BCAS1: variants seen among roughly 807,000 people sequenced by gnomAD.
The protein encoded by BCAS1 is brain enriched myelin associated protein 1.
Under a neutral mutation model 65.4 loss-of-function variants are expected in BCAS1, and 46 were observed. That is an observed-to-expected ratio of 0.70 (90% CI 0.55 to 0.90). BCAS1 has a LOEUF of 0.90. BCAS1 is among the 40% of genes least tolerant of loss of function. The pLI is 0.00. For synonymous variants in BCAS1, 298 were observed against 293.5 expected, an observed-to-expected ratio of 1.02 and a Z score of -0.16; for missense variants, 793 against 771.2, an observed-to-expected ratio of 1.03 and a Z score of -0.33.
At chr20:53,955,743 C>T (rs748941823) in intron 11 of BCAS1, among the ~76,000 whole-genome samples, 14 of 152,010 alleles carry the variant, frequency 9.2e-5, no homozygotes, top group African/African-American at 2.4e-4. Flanking sequence ...TCCAAGGCTC[C>T]GGAAAATAAA....
intron 1 of BCAS1, among the ~76,000 whole-genome samples, chr20:54,066,068 A>ATT (rs1051455563): frequency 3.4e-5 from 5 of 146,032 alleles, no homozygotes; most frequent in East Asian, 2.1e-4. Context: ...TGAGGCAGGT[A>ATT]TTTTTTTTCT....
At chr20:53,952,357 T>C (rs1476007062) in intron 12 of BCAS1, among the ~76,000 whole-genome samples, 10 of 152,178 alleles carry the variant, frequency 6.6e-5, no homozygotes, top group Admixed American at 5.9e-4. Flanking sequence ...GGGCTTCCAT[T>C]TTGTAGAGGA....
chr20:54,028,745 T>C lies in BCAS1; in HGVS notation c.370A>G (p.Ser124Gly). The change falls in exon 4 of 13, where the codon AGC becomes GGC. Residue 124 changes from serine to glycine, a missense_variant. Physicochemically the swap from Ser to Gly is moderately conservative, Grantham distance 56. Transcript: ENST00000688948. Reference protein sequence around the residue: ...SSLGSVKLDVSSNKAPANKDP... With the variant: ...SSLGSVKLDVGSNKAPANKDP... ...TTGTTCGCTGGAGCTTTATTGGAGC[T>C]GACATCAAGCTTCACTGATCCAAGG... The C allele has an allele frequency of 6.2e-7, 1 of 1,614,192 alleles. No individual in the cohort carries two copies. Among genetic ancestry groups the C allele is most frequent in the Non-Finnish European group, 8.5e-7 (1 of 1,180,018 alleles).
At chr20:53,992,426 G>C (rs942888651) in intron 7 of BCAS1, 86 bp downstream of exon 7, 8 of 1,156,646 alleles carry the variant, frequency 6.9e-6, no homozygotes, top group Non-Finnish European at 9.3e-6. Flanking sequence ...GTTTTTACTG[G>C]AGAGGAGCTG....
intron 3 of BCAS1, 99 bp from the exon 4 acceptor site, chr20:54,029,071 A>G (rs1283880912): frequency 6.1e-6 from 9 of 1,466,024 alleles, no homozygotes; most frequent in Middle Eastern, 2.3e-4. Flanking sequence ...GCCATACTGC[A>G]TACTGGAACT....
intron 1 of BCAS1, among the ~76,000 whole-genome samples, chr20:54,063,068 T>C (rs1453168901): frequency 6.6e-6 from 1 of 152,208 alleles, no homozygotes; most frequent in African/African-American, 2.4e-5. Flanking sequence ...GGCAAGAAGA[T>C]GGCAACTCCT....
At position 54,013,919 on chromosome 20, in the gene BCAS1, C is replaced by T. The variant is rs534216991; in HGVS notation, c.723+14473G>A. 1.8e-4 allele frequency among the ~76,000 whole-genome samples: 27 copies of T among 152,290 alleles called. 1 individual carries two copies. The South Asian group carries it at 5.4e-3, about 30-fold the overall frequency. Reference sequence around the variant, plus strand: ...TGCTCAAAGGAACCCTAGAAAGATACATTAAAAATACAAACAGCAATTATC... The same window carrying T: ...TGCTCAAAGGAACCCTAGAAAGATATATTAAAAATACAAACAGCAATTATC... On this transcript the variant is annotated intron_variant, in intron 4 of 12. Transcript: ENST00000688948.
In BCAS1 at chr20:53,950,962, C is replaced by T. The variant is rs532489515; in HGVS notation, c.1815+2470G>A. Among the ~76,000 whole-genome samples the T allele has an allele frequency of 3.9e-5, 6 of 152,316 alleles. No individual in the cohort carries two copies. In the South Asian group the frequency reaches 1.2e-3, roughly 32 times the overall value. On this transcript the variant is annotated intron_variant, in intron 12 of 12. Coordinates refer to ENST00000688948, the MANE Select transcript of BCAS1 (RefSeq NM_001366298.2). ...GGGTTGCATTTTTAATACCCCTGGT[C>T]TAGCTCACTGCCAGGATTCTAAATA... is the stretch of plus-strand genomic sequence containing the variant.
intron 5 of BCAS1, 69 bp downstream of exon 5, chr20:53,995,823 C>A: frequency 1.4e-6 from 2 of 1,447,358 alleles, no homozygotes; most frequent in Non-Finnish European, 9.3e-7. Context: ...TTCAAATGTG[C>A]ATTATTCTTA....
At chr20:53,971,548 T>C (rs147887516) in intron 9 of BCAS1, among the ~76,000 whole-genome samples, 256 of 152,344 alleles carry the variant, frequency 1.7e-3, no homozygotes, top group African/African-American at 5.4e-3. Flanking sequence ...CTCCAGGACA[T>C]GCAGGGTTGC....
At chr20:54,048,911 C>T (rs938693291) in intron 3 of BCAS1, among the ~76,000 whole-genome samples, 9 of 152,204 alleles carry the variant, frequency 5.9e-5, no homozygotes, top group Non-Finnish European at 1.3e-4. Context: ...GAAAGGATGG[C>T]AAGCGTCCTG....
chr20:54,000,919 A>C (rs987176171), intron 4 of BCAS1, among the ~76,000 whole-genome samples: 1 of 152,120 alleles, frequency 6.6e-6, no homozygotes, highest in Non-Finnish European at 1.5e-5. Flanking sequence ...TTTTTTTGCC[A>C]ATTCTAACAC....
At chr20:54,012,098 G>A (rs183547792) in intron 4 of BCAS1, among the ~76,000 whole-genome samples, 17 of 152,120 alleles carry the variant, frequency 1.1e-4, no homozygotes, top group African/African-American at 3.9e-4. Context: ...TCAGTGATTC[G>A]GATTAATTTC....
Position 54,016,185 on chromosome 20 carries a change from C to T in BCAS1, c.723+12207G>A, listed in dbSNP as rs865965787. On this transcript the variant is annotated intron_variant, in intron 4 of 12. Transcript: ENST00000688948. ...TTTATGTCACCCTCGTTTACGGTGT[C>T]TAGTGTAAGGGTGTGCCACAATCAA... Among the ~76,000 whole-genome samples the T allele has an allele frequency of 9.1e-4, 138 of 152,122 alleles. 2 individuals carry two copies. Among genetic ancestry groups the T allele is most frequent in the African/African-American group, 3.0e-3 (125 of 41,410 alleles).
At chr20:53,995,100 T>C (rs759045282) in intron 5 of BCAS1, 44 bp from the exon 6 acceptor site, 25 of 1,532,678 alleles carry the variant, frequency 1.6e-5, no homozygotes, top group Non-Finnish European at 1.9e-5. Flanking sequence ...CATTGCTCTT[T>C]AGAGTGATTT....
intron 9 of BCAS1, among the ~76,000 whole-genome samples, chr20:53,972,178 G>A (rs1488788691): frequency 6.6e-6 from 1 of 152,184 alleles, no homozygotes; most frequent in Non-Finnish European, 1.5e-5. Context: ...GTTATTTAAA[G>A]CACTCTTGTA....
chr20:53,963,425 G>A (rs926319278), intron 10 of BCAS1, among the ~76,000 whole-genome samples: 15 of 151,884 alleles, frequency 9.9e-5, no homozygotes, highest in African/African-American at 3.4e-4. Flanking sequence ...AGGTTGCAGC[G>A]GGCAGAGATT....
intron 11 of BCAS1, among the ~76,000 whole-genome samples, chr20:53,954,467 AT>A (rs2089640851): frequency 6.6e-6 from 1 of 152,176 alleles, no homozygotes; most frequent in Admixed American, 6.5e-5. Flanking sequence ...GGGGATGCCC[AT>A]TCTTTTCTTC....
chr20:54,042,323 C>G (rs2092014724), intron 3 of BCAS1, among the ~76,000 whole-genome samples: 1 of 152,046 alleles, frequency 6.6e-6, no homozygotes, highest in Admixed American at 6.5e-5. Flanking sequence ...AAAAAATAAT[C>G]TGTACAACAA....
Sources: allele counts gnomAD v4.1 joint callset (sites outside exome capture counted in the v4.1 genomes callset), GRCh38; gene constraint gnomAD v4.1.1; transcripts MANE v1.5; gene names NCBI Gene and HGNC (gene_info 2026-07-23, HGNC 2026-07-21).